The following ADAP2 variants were observed in gnomAD, a reference collection of about 807,000 sequenced individuals.
ADAP2 encodes arf-GAP with dual PH domain-containing protein 2.
Under a neutral mutation model 54.9 loss-of-function variants are expected in ADAP2, and 42 were observed. That is an observed-to-expected ratio of 0.77 (90% CI 0.60 to 0.99). The LOEUF (loss-of-function observed/expected upper bound fraction) is 0.99. Among genes scored for constraint, ADAP2 ranks in the 50% least tolerant of loss-of-function variants. The probability of loss-of-function intolerance (pLI) is 0.00; values close to 1 mark genes in which losing one functional copy is unlikely to be tolerated. For synonymous variants in ADAP2, 177 were observed against 180.1 expected (o/e 0.98, Z 0.14); for missense variants, 429 against 480.4 (o/e 0.89, Z 1.00).
At chr17:30,926,292 G>A (rs897663879) in intron 2 of ADAP2, among the ~76,000 whole-genome samples, 1 of 152,152 alleles carries the variant, frequency 6.6e-6, no homozygotes, top group Non-Finnish European at 1.5e-5. Flanking sequence ...ATCAGCCTCT[G>A]GGTCTCTTGG....
chr17:30,945,587 A>C (rs1421692202), intron 6 of ADAP2, among the ~76,000 whole-genome samples: 1 of 151,794 alleles, frequency 6.6e-6, no homozygotes, highest in African/African-American at 2.4e-5. Context: ...CCCCATCTTT[A>C]CCCAAAAATA....
intron 3 of ADAP2, among the ~76,000 whole-genome samples, chr17:30,930,582 G>A (rs1911400688): frequency 6.6e-6 from 1 of 152,074 alleles, no homozygotes; most frequent in African/African-American, 2.4e-5. Context: ...ACAAGCAGGT[G>A]CCAGGCTATA....
chr17:30,933,010 C>T (rs967372164), intron 4 of ADAP2, among the ~76,000 whole-genome samples: 2 of 152,252 alleles, frequency 1.3e-5, no homozygotes, highest in South Asian at 2.1e-4. Context: ...GCCTCCCTTT[C>T]GACCATTGTG....
At chr17:30,956,998 C>A in intron 10 of ADAP2, 1 of 156,328 alleles carries the variant, frequency 6.4e-6, no homozygotes, top group Non-Finnish European at 1.4e-5. Flanking sequence ...ATGCTGACAG[C>A]CCTGTGAAAA....
At chr17:30,941,545 G>A (rs9906390) in intron 5 of ADAP2, among the ~76,000 whole-genome samples, 25,190 of 152,134 alleles carry the variant, frequency 0.17, 6,557 homozygotes, top group African/African-American at 0.56. Flanking sequence ...AGTTGATGTC[G>A]TATCCTTCTT....
chr17:30,939,840 C>T (rs1182622755), intron 5 of ADAP2, among the ~76,000 whole-genome samples: 1 of 150,780 alleles, frequency 6.6e-6, no homozygotes, highest in African/African-American at 2.4e-5. Context: ...TATTTCTCAA[C>T]ATAAGCTCCA....
At position 30,923,003 on chromosome 17, in the gene ADAP2, G is replaced by A. The variant is rs1354075335; in HGVS notation, c.158G>A (p.Arg53His). ...TGTCTCAACTGCTGCGGCGTCCACC[G>A]TAACTTCCCTGACATCAGCAGAGTT... ...FICLNCCGVH[R>H]NFPDISRVKS... The change falls in exon 2 of 11, where the codon CGT becomes CAT. Residue 53 changes from arginine (R) to histidine (H), a missense_variant. Transcript: ENST00000330889. 2 of 1,614,056 alleles carry A rather than the reference G, an allele frequency of 1.2e-6. No homozygotes were observed. The highest frequency in any genetic ancestry group is 3.3e-4 in the Middle Eastern group (2 of 6,062).
chr17:30,941,373 A>AT (rs1912258589), intron 5 of ADAP2, among the ~76,000 whole-genome samples: 1 of 152,208 alleles, frequency 6.6e-6, no homozygotes, highest in East Asian at 1.9e-4. Flanking sequence ...CAAGTTATCC[A>AT]TTTGTAAACT....
chr17:30,953,451 A>T (rs1904831619), intron 8 of ADAP2, 101 bp downstream of exon 8: 1 of 1,304,086 alleles, frequency 7.7e-7, no homozygotes, highest in Non-Finnish European at 1.1e-6. Flanking sequence ...GAAAGGTGTT[A>T]GGCCAAGCTT....
chr17:30,944,452 C>A (rs989542357), intron 5 of ADAP2, among the ~76,000 whole-genome samples: 19 of 152,052 alleles, frequency 1.2e-4, no homozygotes, highest in African/African-American at 4.6e-4. Context: ...GCCTGGCCAA[C>A]ATAGCGAAAC....
intron 6 of ADAP2, among the ~76,000 whole-genome samples, chr17:30,948,475 CAGG>C (rs983285668): frequency 6.6e-6 from 1 of 151,786 alleles, no homozygotes; most frequent in Non-Finnish European, 1.5e-5. Context: ...GAGGCTGAGG[CAGG>C]AGAATGGTGT....
At chr17:30,926,770 T>A (rs781528801) in intron 2 of ADAP2, 57 bp from the exon 3 acceptor site, 1 of 1,499,370 alleles carries the variant, frequency 6.7e-7, no homozygotes, top group Non-Finnish European at 9.3e-7. Context: ...GGCCTCATAG[T>A]TTCATTTCAC....
intron 5 of ADAP2, among the ~76,000 whole-genome samples, chr17:30,942,585 C>T (rs530343832): frequency 3.3e-5 from 5 of 152,274 alleles, no homozygotes; most frequent in Admixed American, 3.3e-4. Flanking sequence ...CAGGAACAAT[C>T]TCAATATATA....
At position 30,956,221 on chromosome 17, in the gene ADAP2, C is replaced by A. The variant is rs1218145120; in HGVS notation, c.883-20C>A. 1 of 1,612,916 alleles carries A rather than the reference C, an allele frequency of 6.2e-7. No individual in the cohort carries two copies. The highest frequency in any genetic ancestry group is 2.2e-5 in the East Asian group (1 of 44,886). On this transcript the variant is annotated intron_variant, in intron 9 of 10. Transcript: ENST00000330889. ...TGCCCTGGGGGCACCCTCTGATGACCCTGTACTCTCCATTTTCAGGATGCC... is the reference window on the plus strand; with the variant it reads ...TGCCCTGGGGGCACCCTCTGATGACACTGTACTCTCCATTTTCAGGATGCC...
intron 10 of ADAP2, chr17:30,956,930 G>A (rs1012753038): frequency 1.2e-5 from 2 of 167,292 alleles, no homozygotes; most frequent in Admixed American, 5.6e-5. Context: ...TTTTCTTTGA[G>A]TCCTCCCTTC....
In ADAP2 at chr17:30,956,290, A is replaced by G; in HGVS notation, c.932A>G (p.Tyr311Cys). 6.2e-7 allele frequency: 1 copy of G among 1,614,188 alleles called. No homozygotes were observed. The highest frequency in any genetic ancestry group is 1.1e-5 in the South Asian group (1 of 91,084). The change falls in exon 10 of 11, where the codon TAT (tyrosine) becomes TGT (cysteine). Residue 311 changes from tyrosine (Y) to cysteine (C), a missense_variant. By Grantham distance (194) the Tyr-to-Cys change is radical. Transcript: ENST00000330889. ...TTTCTTGGGAACAAGGAGCAGGGAT[A>G]TGAAGCCTACGAAGACCTGCCCAAG... The part of the protein sequence containing the change: ...QVFLGNKEQG[Y>C]EAYEDLPKGI...
intron 5 of ADAP2, 124 bp downstream of exon 5, chr17:30,934,421 CA>C (rs1567717743): frequency 7.8e-6 from 5 of 644,362 alleles, no homozygotes; most frequent in African/African-American, 1.8e-5. Flanking sequence ...TTAGGCACAA[CA>C]TTTGGCTACT....
intron 6 of ADAP2, among the ~76,000 whole-genome samples, chr17:30,946,530 T>C (rs1422363949): frequency 6.6e-6 from 1 of 152,098 alleles, no homozygotes; most frequent in Non-Finnish European, 1.5e-5. Flanking sequence ...AGAAGCACTA[T>C]TTAATAGTCC....
rs890139528 is a variant in ADAP2, at chr17:30,931,009, C to G, written c.318-880C>G. Among the ~76,000 whole-genome samples the G allele has an allele frequency of 6.7e-4, 102 of 152,140 alleles. 2 individuals carry two copies. Among genetic ancestry groups the G allele is most frequent in the African/African-American group, 2.4e-3 (98 of 41,432 alleles). On this transcript the variant is annotated intron_variant, in intron 3 of 10. Coordinates refer to ENST00000330889, the MANE Select transcript of ADAP2 (RefSeq NM_018404.3). ...AGGAGTTGGGTAACTTGCTCATGGT[C>G]ACACAGTGGATAAATGATAGAGTGA...
Sources: gnomAD v4.1 joint callset for allele counts (sites outside exome capture counted in the v4.1 genomes callset) on GRCh38, gnomAD v4.1.1 for gene constraint, MANE v1.5 for transcripts, NCBI Gene and HGNC (gene_info 2026-07-23, HGNC 2026-07-21) for gene names.